STPG2: variants seen among roughly 807,000 people sequenced by gnomAD.
STPG2 encodes sperm tail PG-rich repeat containing 2.
In STPG2, 56 loss-of-function variants were observed where a neutral mutation model predicts 54.2. That is an observed-to-expected ratio of 1.03 (90% confidence interval 0.83 to 1.29). The LOEUF (loss-of-function observed/expected upper bound fraction) is 1.29, where lower values mean the gene tolerates loss of function less well. Ranked by LOEUF, STPG2 falls within the 50% of genes most tolerant of loss-of-function variation. STPG2 has a pLI of 0.00. For synonymous variants in STPG2, 200 were observed against 181.8 expected, an observed-to-expected ratio of 1.10 and a Z score of -0.81; for missense variants, 596 against 544.9, an observed-to-expected ratio of 1.09 and a Z score of -0.93.
chr4:97,824,717 A>G (rs1728200055), intron 9 of STPG2, among the ~76,000 whole-genome samples: 1 of 152,176 alleles, frequency 6.6e-6, no homozygotes, highest in Non-Finnish European at 1.5e-5. Flanking sequence ...TTGCTAAAAG[A>G]CTTCACAAGC....
intron 9 of STPG2, among the ~76,000 whole-genome samples, chr4:97,789,224 A>G (rs1560528531): frequency 6.6e-6 from 1 of 151,998 alleles, no homozygotes; most frequent in South Asian, 2.1e-4. Context: ...AAAGAGGTAT[A>G]CCTAGCTTCT....
intron 10 of STPG2, among the ~76,000 whole-genome samples, chr4:97,636,823 C>G (rs890082507): frequency 4.0e-5 from 6 of 151,584 alleles, no homozygotes; most frequent in Non-Finnish European, 5.9e-5. Flanking sequence ...AGACCAATAA[C>G]AGGATCTGAA....
intron 10 of STPG2, among the ~76,000 whole-genome samples, chr4:97,585,922 A>T (rs549135958): frequency 6.6e-6 from 1 of 151,938 alleles, no homozygotes; most frequent in Non-Finnish European, 1.5e-5. Flanking sequence ...AAAAAAATAG[A>T]TGAAATGTCT....
chr4:97,517,739 CA>C (rs1270734575), intron 4 of STPG2, among the ~76,000 whole-genome samples: 8 of 151,996 alleles, frequency 5.3e-5, no homozygotes, highest in Non-Finnish European at 1.0e-4. Context: ...ATTGATTTGA[CA>C]AACCACATTA....
chr4:97,787,224 C>A (rs184221138), intron 9 of STPG2, among the ~76,000 whole-genome samples: 93 of 152,030 alleles, frequency 6.1e-4, no homozygotes, highest in African/African-American at 2.1e-3. Context: ...CTGGGTTAGA[C>A]CCTCACATAA....
Position 97,879,210 on chromosome 4 carries a change from G to A in STPG2, c.1045-38278C>T, listed in dbSNP as rs556520167. On this transcript the variant is annotated intron_variant, in intron 8 of 10. Transcript: ENST00000295268. ...GTTCCAAACTTTCCCAAATTTTCCT[G>A]TCTACTTCTGAGGCTTTCAAACTCT... 3.0e-3 allele frequency among the ~76,000 whole-genome samples: 462 copies of A among 152,246 alleles called. 2 individuals carry two copies. The highest frequency in any genetic ancestry group is 5.4e-3 in the Non-Finnish European group (370 of 68,024).
At chr4:97,746,015 T>C (rs1725411292) in intron 9 of STPG2, among the ~76,000 whole-genome samples, 1 of 151,246 alleles carries the variant, frequency 6.6e-6, no homozygotes, top group Non-Finnish European at 1.5e-5. Context: ...TCTGAAAGTT[T>C]TTAGATGTTT....
chr4:98,092,239 C>T (rs59523732), intron 5 of STPG2, among the ~76,000 whole-genome samples: 6,062 of 151,932 alleles, frequency 0.04, 406 homozygotes, highest in African/African-American at 0.14. Flanking sequence ...TTTTTCACTT[C>T]TTTAAAATCC....
At chr4:97,538,833 CAG>C (rs1303456929) in intron 4 of STPG2, among the ~76,000 whole-genome samples, 1 of 152,196 alleles carries the variant, frequency 6.6e-6, no homozygotes, top group Non-Finnish European at 1.5e-5. Flanking sequence ...ATCAGACTAA[CAG>C]CTGATCTCTC....
intron 8 of STPG2, among the ~76,000 whole-genome samples, chr4:97,878,083 A>G (rs1730242238): frequency 6.6e-6 from 1 of 152,206 alleles, no homozygotes; most frequent in African/African-American, 2.4e-5. Flanking sequence ...CTTTGACTCC[A>G]TGTTTCACAT....
intron 8 of STPG2, among the ~76,000 whole-genome samples, chr4:97,859,730 G>A (rs559881184): frequency 2.6e-5 from 4 of 152,202 alleles, no homozygotes; most frequent in Admixed American, 2.6e-4. Context: ...CCAAAGTGCT[G>A]GGATTATATG....
chr4:97,616,770 T>C (rs527861272), intron 10 of STPG2, among the ~76,000 whole-genome samples: 3 of 152,240 alleles, frequency 2.0e-5, no homozygotes, highest in Non-Finnish European at 4.4e-5. Context: ...TGTACAATAA[T>C]GGAGGTTACA....
At chr4:98,082,844 A>G (rs1738391658) in intron 5 of STPG2, among the ~76,000 whole-genome samples, 1 of 152,154 alleles carries the variant, frequency 6.6e-6, no homozygotes, top group African/African-American at 2.4e-5. Context: ...TTTTGCCAAT[A>G]CAGTAAAGCA....
chr4:97,941,075 A>G (rs1732961923), intron 8 of STPG2, among the ~76,000 whole-genome samples: 1 of 152,072 alleles, frequency 6.6e-6, no homozygotes, highest in African/African-American at 2.4e-5. Context: ...TAGAGGGAGA[A>G]CTCTATATCC....
intron 7 of STPG2, among the ~76,000 whole-genome samples, chr4:97,956,936 A>T (rs1365576779): frequency 6.6e-6 from 1 of 152,128 alleles, no homozygotes; most frequent in Non-Finnish European, 1.5e-5. Flanking sequence ...ATCCTCAAAA[A>T]ATCACATTAG....
At chr4:98,035,952 G>A (rs899610136) in intron 5 of STPG2, among the ~76,000 whole-genome samples, 1 of 152,042 alleles carries the variant, frequency 6.6e-6, no homozygotes, top group Non-Finnish European at 1.5e-5. Flanking sequence ...GTCGAGGGGT[G>A]GGGGCTAGGG....
At chr4:97,813,850 A>G (rs1727825251) in intron 9 of STPG2, among the ~76,000 whole-genome samples, 2 of 151,958 alleles carry the variant, frequency 1.3e-5, no homozygotes, top group African/African-American at 4.8e-5. Context: ...TTGAGAAACT[A>G]CAGCTCTGAA....
rs910729310 is a variant in STPG2, at chr4:98,113,753, G to A, written c.388-4448C>T. On this transcript the variant is annotated intron_variant, in intron 3 of 10. Coordinates refer to ENST00000295268, the MANE Select transcript of STPG2 (RefSeq NM_174952.3). ...ATTCCAAAGCCCAGCCCCTTGTCAT[G>A]TCCTTGAAGGAACAAAGCTATGAAT... Among the ~76,000 whole-genome samples, 24 of 151,998 alleles carry A rather than the reference G, an allele frequency of 1.6e-4. 1 individual carries two copies. The highest frequency in any genetic ancestry group is 6.8e-3 in the Middle Eastern group (2 of 294).
chr4:97,832,496 G>T (rs182219571), intron 9 of STPG2, among the ~76,000 whole-genome samples: 1 of 152,282 alleles, frequency 6.6e-6, no homozygotes, highest in Admixed American at 6.5e-5. Context: ...ATTCAACATA[G>T]TATTGGAAGT....
Sources: gnomAD v4.1 joint callset for allele counts (sites outside exome capture counted in the v4.1 genomes callset) on GRCh38, gnomAD v4.1.1 for gene constraint, MANE v1.5 for transcripts, NCBI Gene and HGNC (gene_info 2026-07-23, HGNC 2026-07-21) for gene names.